Variants in GALNT13 observed in about 807,000 individuals in gnomAD.
GALNT13 encodes polypeptide N-acetylgalactosaminyltransferase 13.
GALNT13 carries 28 observed loss-of-function variants against 64.2 expected under a neutral mutation model. The observed-to-expected ratio is 0.44, with a 90% confidence interval of 0.32 to 0.60. GALNT13 has a LOEUF of 0.60. Among genes scored for constraint, GALNT13 ranks in the 20% least tolerant of loss-of-function variants. The pLI is 0.05. For missense variants in GALNT13, 577 were observed against 669.8 expected, an observed-to-expected ratio of 0.86 and a Z score of 1.53; for synonymous variants, 214 against 224.6, an observed-to-expected ratio of 0.95 and a Z score of 0.42.
intron 9 of GALNT13, among the ~76,000 whole-genome samples, chr2:154,382,786 CGT>C (rs1491405383): frequency 1.8e-5 from 2 of 108,580 alleles, no homozygotes; most frequent in Non-Finnish European, 4.0e-5. Context: ...TCTCTTAAAA[CGT>C]TTTTTTTTTT....
At chr2:153,153,523 G>C in the GALNT13 span, among the ~76,000 whole-genome samples, 1 of 151,838 alleles carries the variant, frequency 6.6e-6, no homozygotes, top group African/African-American at 2.4e-5. Context: ...TATAGTTTTG[G>C]GTTTTACATT....
chr2:153,420,200 C>T, the GALNT13 span, among the ~76,000 whole-genome samples: 4 of 152,026 alleles, frequency 2.6e-5, no homozygotes, highest in African/African-American at 7.3e-5. Context: ...ACATTATGAA[C>T]GTTTTTAATG....
chr2:154,344,490 A>G (rs1451768140), intron 9 of GALNT13, among the ~76,000 whole-genome samples: 1 of 98,530 alleles, frequency 1.0e-5, no homozygotes, highest in African/African-American at 2.8e-5. Flanking sequence ...AATTGTTGAA[A>G]TGGATTTACA....
chr2:153,684,368 A>G, the GALNT13 span, among the ~76,000 whole-genome samples: 1 of 151,686 alleles, frequency 6.6e-6, no homozygotes, highest in Non-Finnish European at 1.5e-5. Context: ...TCATTGCTTC[A>G]TAAGAAAAAA....
chr2:153,825,717 A>G, the GALNT13 span, among the ~76,000 whole-genome samples: 22 of 151,522 alleles, frequency 1.5e-4, no homozygotes, highest in East Asian at 3.3e-3. Flanking sequence ...ATTAATCCCT[A>G]TATCCCCCAG....
the GALNT13 span, among the ~76,000 whole-genome samples, chr2:153,629,410 T>C: frequency 6.6e-6 from 1 of 151,898 alleles, no homozygotes; most frequent in Admixed American, 6.6e-5. Flanking sequence ...GGATTCCCTA[T>C]TTAATAAATG....
intron 3 of GALNT13, among the ~76,000 whole-genome samples, chr2:154,021,729 C>G (rs567673201): frequency 6.6e-6 from 1 of 151,690 alleles, no homozygotes; most frequent in South Asian, 2.1e-4. Flanking sequence ...CCAGAACTTC[C>G]AACACTATGT....
intron 3 of GALNT13, among the ~76,000 whole-genome samples, chr2:154,108,344 C>G (rs1206283605): frequency 6.6e-6 from 1 of 151,900 alleles, no homozygotes; most frequent in Non-Finnish European, 1.5e-5. Flanking sequence ...TTTTAATTTG[C>G]ATTTTTCATG....
chr2:153,225,071 T>C, the GALNT13 span, among the ~76,000 whole-genome samples: 270 of 152,220 alleles, frequency 1.8e-3, 6 homozygotes, highest in East Asian at 0.047. Context: ...AACATATAGG[T>C]AAAAATCCTC....
chr2:153,884,842 T>C (rs1687047442), intron 1 of GALNT13, among the ~76,000 whole-genome samples: 1 of 84,492 alleles, frequency 1.2e-5, no homozygotes, highest in Non-Finnish European at 2.1e-5. Context: ...TGTGTGTGTG[T>C]GTATATATGT....
chr2:154,232,517 C>G (rs1030309813), intron 4 of GALNT13, among the ~76,000 whole-genome samples: 1 of 152,002 alleles, frequency 6.6e-6, no homozygotes, highest in Admixed American at 6.6e-5. Context: ...TATACTGCAA[C>G]AAAAATAACG....
the GALNT13 span, among the ~76,000 whole-genome samples, chr2:153,866,857 A>G: frequency 6.6e-6 from 1 of 152,224 alleles, no homozygotes; most frequent in Admixed American, 6.5e-5. Context: ...TTGTCTGCAC[A>G]AGTATAGGTG....
chr2:153,623,960 TG>T, the GALNT13 span, among the ~76,000 whole-genome samples: 3 of 152,080 alleles, frequency 2.0e-5, no homozygotes, highest in Admixed American at 6.6e-5. Flanking sequence ...CTCATGCACA[TG>T]TTGTTTAGAA....
intron 4 of GALNT13, among the ~76,000 whole-genome samples, chr2:154,233,427 G>T (rs1006262004): frequency 6.6e-6 from 1 of 152,136 alleles, no homozygotes; most frequent in Non-Finnish European, 1.5e-5. Context: ...GTTTACCCAC[G>T]TGAGCAACTT....
At chr2:154,353,302 A>T (rs980649745) in intron 9 of GALNT13, among the ~76,000 whole-genome samples, 5 of 152,120 alleles carry the variant, frequency 3.3e-5, no homozygotes, top group Admixed American at 3.3e-4. Flanking sequence ...ATATTCACTT[A>T]AAAAAATGGG....
the GALNT13 span, among the ~76,000 whole-genome samples, chr2:153,493,681 C>CA: frequency 6.6e-6 from 1 of 151,608 alleles, no homozygotes; most frequent in Non-Finnish European, 1.5e-5. Flanking sequence ...AAAGATACTA[C>CA]AAAAATAAAA....
the GALNT13 span, among the ~76,000 whole-genome samples, chr2:153,682,159 G>C: frequency 2.0e-5 from 3 of 151,724 alleles, no homozygotes; most frequent in Non-Finnish European, 4.4e-5. Flanking sequence ...CTTGCCCATA[G>C]ATGCCCCATA....
the GALNT13 span, among the ~76,000 whole-genome samples, chr2:153,850,706 A>T: frequency 6.6e-6 from 1 of 152,220 alleles, no homozygotes; most frequent in Non-Finnish European, 1.5e-5. Flanking sequence ...AACACATAGA[A>T]TATATAATAG....
the GALNT13 span, among the ~76,000 whole-genome samples, chr2:153,083,200 C>G: frequency 6.6e-6 from 1 of 152,148 alleles, no homozygotes; most frequent in Non-Finnish European, 1.5e-5. Context: ...CACATAATAA[C>G]TTCTTTTCTT....
Sources: allele counts gnomAD v4.1 joint callset (sites outside exome capture counted in the v4.1 genomes callset), GRCh38; gene constraint gnomAD v4.1.1; transcripts MANE v1.5; gene names NCBI Gene and HGNC (gene_info 2026-07-23, HGNC 2026-07-21).